Variants in LRP8 observed in about 807,000 individuals in gnomAD.
The protein encoded by LRP8 is low-density lipoprotein receptor-related protein 8.
A neutral mutation model predicts 111.6 loss-of-function variants in LRP8; 46 were observed. The observed-to-expected ratio is 0.41, with a 90% CI of 0.33 to 0.53. The LOEUF (loss-of-function observed/expected upper bound fraction) is 0.53, where lower values mean the gene tolerates loss of function less well. Among genes scored for constraint, LRP8 ranks in the 20% least tolerant of loss-of-function variants. The probability of loss-of-function intolerance (pLI) is 0.20; values close to 1 mark genes in which losing one functional copy is unlikely to be tolerated. For missense variants in LRP8, 959 were observed against 1,297.4 expected, an observed-to-expected ratio of 0.74 and a Z score of 4.01; for synonymous variants, 464 against 511.2, an observed-to-expected ratio of 0.91 and a Z score of 1.24.
rs909328394 is a variant in LRP8, at chr1:53,276,916, G to A, written c.659C>T (p.Ala220Val). 7.7e-6 allele frequency: 11 copies of A among 1,436,994 alleles called. No individual in the cohort carries two copies. Among genetic ancestry groups the A allele is most frequent in the Middle Eastern group, 2.5e-4 (1 of 4,058 alleles). The allele number at this position is 1,436,994 out of a possible 1,614,324, so 89.0% of individuals were successfully genotyped here. The change falls in exon 5 of 19, where the codon GCC becomes GTC. Residue 220 changes from alanine (A) to valine (V), a missense_variant. Physicochemically the swap from Ala to Val is moderately conservative, Grantham distance 64 (BLOSUM62 0). Coordinates refer to ENST00000306052, the MANE Select transcript of LRP8 (RefSeq NM_004631.5). ...EFRCGGDGGG[A>V]CIPERWVCDR... Reference sequence around the variant, plus strand: ...GCAGACCCAGCGCTCCGGGATGCAGGCGCCGCCGCCATCGCCGCCGCAGCG... The same window carrying A: ...GCAGACCCAGCGCTCCGGGATGCAGACGCCGCCGCCATCGCCGCCGCAGCG...
At position 53,317,043 on chromosome 1, in the gene LRP8, C is replaced by T. The variant is rs1416776122; in HGVS notation, c.244+9830G>A. On this transcript the variant is annotated intron_variant, in intron 2 of 18. Transcript: ENST00000306052. This position sits in a 1 kb window ranked among gnomAD's most constrained non-coding sequence, Gnocchi z 4.9. Reference sequence around the variant, plus strand: ...CAGAATAGTCACCTCCCTCCTGGTACACAGCCCCTCCTCTGAAGCACACAC... The same window carrying T: ...CAGAATAGTCACCTCCCTCCTGGTATACAGCCCCTCCTCTGAAGCACACAC... Among the ~76,000 whole-genome samples, 1 of 152,136 alleles carries T rather than the reference C, an allele frequency of 6.6e-6. No individual in the cohort carries two copies. Among genetic ancestry groups the T allele is most frequent in the Non-Finnish European group, 1.5e-5 (1 of 68,024 alleles).
chr1:53,264,122 C>A (rs1264880290), intron 10 of LRP8, 47 bp downstream of exon 10: 1 of 1,570,916 alleles, frequency 6.4e-7, no homozygotes, highest in Non-Finnish European at 8.7e-7. Flanking sequence ...CACAAGAGGA[C>A]TGAGCACCTA....
chr1:53,290,439 C>G (rs1291052050), intron 2 of LRP8, among the ~76,000 whole-genome samples: 1 of 152,150 alleles, frequency 6.6e-6, no homozygotes, highest in African/African-American at 2.4e-5. Flanking sequence ...TATGAAGAAC[C>G]TGCAGCAGAC....
chr1:53,284,495 A>G (rs938949950), intron 3 of LRP8, among the ~76,000 whole-genome samples: 6 of 152,176 alleles, frequency 3.9e-5, no homozygotes, highest in African/African-American at 1.4e-4. Context: ...ATGCTCCAGA[A>G]CCATCCCCAA....
chr1:53,290,537 T>C (rs1648527071), intron 2 of LRP8, among the ~76,000 whole-genome samples: 1 of 152,202 alleles, frequency 6.6e-6, no homozygotes, highest in African/African-American at 2.4e-5. Context: ...AATGGGGTTC[T>C]GTGTCCACAC....
intron 3 of LRP8, among the ~76,000 whole-genome samples, chr1:53,282,635 C>CA (rs558725074): frequency 3.7e-4 from 57 of 152,226 alleles, no homozygotes; most frequent in African/African-American, 1.3e-3. Flanking sequence ...GGGAGCTACT[C>CA]AAAGTGCAGG....
intron 2 of LRP8, among the ~76,000 whole-genome samples, chr1:53,313,142 A>G (rs1451623283): frequency 6.6e-6 from 1 of 152,150 alleles, no homozygotes; most frequent in African/African-American, 2.4e-5. Flanking sequence ...CAGCAGAGGA[A>G]GCTGAGGTTC....
In LRP8 at chr1:53,297,666, C is replaced by T. The variant is rs115753802; in HGVS notation, c.245-7977G>A. On this transcript the variant is annotated intron_variant, in intron 2 of 18. Coordinates refer to ENST00000306052, the MANE Select transcript of LRP8 (RefSeq NM_004631.5). ...CCCATTCGGAATGAAGAGGCTGCAGCGGAAGGAGCACTTTTTGGTGAGGGC... is the reference window on the plus strand; with the variant it reads ...CCCATTCGGAATGAAGAGGCTGCAGTGGAAGGAGCACTTTTTGGTGAGGGC... 3.2e-3 allele frequency among the ~76,000 whole-genome samples: 482 copies of T among 152,316 alleles called. 6 individuals are homozygous for T. The highest frequency in any genetic ancestry group is 0.011 in the African/African-American group (463 of 41,568).
At chr1:53,282,204 T>TG (rs1448272226) in intron 3 of LRP8, among the ~76,000 whole-genome samples, 1 of 152,152 alleles carries the variant, frequency 6.6e-6, no homozygotes, top group Admixed American at 6.5e-5. Flanking sequence ...ACACCACTAC[T>TG]GCCATGGGAG....
chr1:53,258,215 G>T, intron 14 of LRP8, 104 bp downstream of exon 14: 1 of 1,205,862 alleles, frequency 8.3e-7, no homozygotes, highest in Non-Finnish European at 1.2e-6. Context: ...CAGGGAAGAT[G>T]GAAGAAAACC....
intron 4 of LRP8, 82 bp from the exon 5 acceptor site, chr1:53,277,160 C>T (rs1361859511): frequency 1.5e-6 from 2 of 1,350,362 alleles, no homozygotes; most frequent in Admixed American, 3.8e-5. Flanking sequence ...TACAGGGGCT[C>T]CGACCCTCAC....
chr1:53,245,628 G>A lies in LRP8; in HGVS notation c.*1390C>T, dbSNP rs970407279. 1.2e-4 allele frequency: 19 copies of A among 152,380 alleles called. No individual in the cohort carries two copies. The highest frequency in any genetic ancestry group is 4.4e-5 in the Non-Finnish European group (3 of 68,024). 9.4% of individuals were successfully genotyped at this position (152,380 alleles called of 1,614,324 possible). A position where few individuals can be genotyped will look rare whatever the true frequency, so the allele number is the denominator to read the frequency against. On this transcript the variant is annotated 3_prime_UTR_variant, in exon 19 of 19. Transcript: ENST00000306052. ...AATATCCAATATAATATAATATTGC[G>A]TATGCCATTTCCCCCCTCAAATATG... is the stretch of plus-strand genomic sequence containing the variant.
intron 16 of LRP8, among the ~76,000 whole-genome samples, chr1:53,254,045 C>T (rs780456851): frequency 6.6e-6 from 1 of 152,116 alleles, no homozygotes; most frequent in Non-Finnish European, 1.5e-5. Context: ...CTGACTAACT[C>T]GGCATACTGA....
chr1:53,248,722 C>G (rs1057087330), intron 18 of LRP8, among the ~76,000 whole-genome samples: 2 of 152,224 alleles, frequency 1.3e-5, no homozygotes, highest in Admixed American at 1.3e-4. Flanking sequence ...TTCCTTATTT[C>G]TCTGCAACTG....
intron 2 of LRP8, among the ~76,000 whole-genome samples, chr1:53,300,091 C>T (rs1448541896): frequency 6.6e-6 from 1 of 152,194 alleles, no homozygotes; most frequent in Non-Finnish European, 1.5e-5. Context: ...CTTCCCATCT[C>T]CCCTTGAATA....
rs1204010389 is a variant in LRP8, at chr1:53,293,995, G to A, written c.245-4306C>T. Among the ~76,000 whole-genome samples, 3 of 152,228 alleles carry A rather than the reference G, an allele frequency of 2.0e-5. No individual in the cohort carries two copies. The highest frequency in any genetic ancestry group is 1.3e-4 in the Admixed American group (2 of 15,282). On this transcript the variant is annotated intron_variant, in intron 2 of 18. Coordinates refer to ENST00000306052, the MANE Select transcript of LRP8 (RefSeq NM_004631.5). This position sits in a 1 kb window ranked among gnomAD's most constrained non-coding sequence, Gnocchi z 4.9. ...AATGAGCCCAATAGTCCCTCGTGAA[G>A]AGACCATATCAGCCCTGCCATGAGA...
At chr1:53,278,067 G>A (rs1646984623) in intron 4 of LRP8, among the ~76,000 whole-genome samples, 1 of 152,222 alleles carries the variant, frequency 6.6e-6, no homozygotes, top group African/African-American at 2.4e-5. Flanking sequence ...GGAACTTAGA[G>A]GCCAGCCAGC....
chr1:53,324,209 C>T (rs377124045), intron 2 of LRP8, among the ~76,000 whole-genome samples: 31 of 152,314 alleles, frequency 2.0e-4, no homozygotes, highest in African/African-American at 7.5e-4. Context: ...TAATAAAGAG[C>T]TCCTCAGGGA....
intron 18 of LRP8, among the ~76,000 whole-genome samples, chr1:53,248,706 G>A (rs1316967934): frequency 2.0e-5 from 3 of 152,242 alleles, no homozygotes; most frequent in Non-Finnish European, 2.9e-5. Context: ...CTCACTAAAT[G>A]TTGATTTCCT....
Sources: gnomAD v4.1 joint callset for allele counts (sites outside exome capture counted in the v4.1 genomes callset) on GRCh38, gnomAD v4.1.1 for gene constraint, Gnocchi (gnomAD v3.1) non-coding constraint, MANE v1.5 for transcripts, NCBI Gene and HGNC (gene_info 2026-07-23, HGNC 2026-07-21) for gene names.